The following PIBF1 variants were observed in gnomAD, a reference collection of about 807,000 sequenced individuals.
The protein encoded by PIBF1 is progesterone immunomodulatory binding factor 1, also known as progesterone-induced-blocking factor 1.
Under a neutral mutation model 112.5 loss-of-function variants are expected in PIBF1, and 90 were observed. The observed-to-expected ratio is 0.80, with a 90% CI of 0.67 to 0.95. The LOEUF (loss-of-function observed/expected upper bound fraction) is 0.95, where lower values mean the gene tolerates loss of function less well. Among genes scored for constraint, PIBF1 ranks in the 40% least tolerant of loss-of-function variants. The pLI is 0.00. For missense variants in PIBF1, 915 were observed against 852.3 expected (o/e 1.07, Z -0.92); for synonymous variants, 301 against 288.6 (o/e 1.04, Z -0.44).
chr13:72,891,213 A>G (rs1034570710), intron 10 of PIBF1, among the ~76,000 whole-genome samples: 40 of 152,284 alleles, frequency 2.6e-4, no homozygotes, highest in Admixed American at 2.0e-3. Flanking sequence ...TTAATTACCT[A>G]TTTGGAGTTG....
intron 14 of PIBF1, among the ~76,000 whole-genome samples, chr13:72,950,328 C>G (rs936918121): frequency 6.6e-6 from 1 of 152,120 alleles, no homozygotes; most frequent in African/African-American, 2.4e-5. Context: ...AAAAAAGGTA[C>G]CCCTCCAATT....
At chr13:72,997,241 C>T (rs1367821442) in intron 16 of PIBF1, among the ~76,000 whole-genome samples, 4 of 152,144 alleles carry the variant, frequency 2.6e-5, no homozygotes, top group Non-Finnish European at 5.9e-5. Context: ...TAGGCTTTCC[C>T]TTCTACTTAT....
rs556935438 is a variant in PIBF1 at position 72,868,698 on chromosome 13, C to T, written c.1322+14543C>T. 1.1e-3 allele frequency among the ~76,000 whole-genome samples: 163 copies of T among 152,114 alleles called. 1 individual carries two copies. Among genetic ancestry groups the T allele is most frequent in the Non-Finnish European group, 1.8e-3 (120 of 67,962 alleles). Reference sequence around the variant, plus strand: ...CTCTTCATTATAGAAACAACCTCTTCCATGGCTGGGTGCAGTGATTCATTC... The same window carrying T: ...CTCTTCATTATAGAAACAACCTCTTTCATGGCTGGGTGCAGTGATTCATTC... On this transcript the variant is annotated intron_variant, in intron 10 of 17. Coordinates refer to ENST00000326291, the MANE Select transcript of PIBF1 (RefSeq NM_006346.4).
chr13:72,930,107 G>C (rs2041654663), intron 13 of PIBF1, among the ~76,000 whole-genome samples: 1 of 152,078 alleles, frequency 6.6e-6, no homozygotes, highest in Non-Finnish European at 1.5e-5. Context: ...TGATCCTCCT[G>C]CCTCAGCCTC....
At chr13:72,878,112 T>G (rs2039484360) in intron 10 of PIBF1, among the ~76,000 whole-genome samples, 1 of 147,416 alleles carries the variant, frequency 6.8e-6, no homozygotes, top group Non-Finnish European at 1.5e-5. Flanking sequence ...GTTTTACTGG[T>G]TTTATTGATT....
chr13:72,996,231 G>A (rs573233159), intron 16 of PIBF1, among the ~76,000 whole-genome samples: 1 of 147,054 alleles, frequency 6.8e-6, no homozygotes, highest in South Asian at 2.1e-4. Flanking sequence ...AGAAAAATGG[G>A]CCAAGGCAAT....
chr13:72,854,908 A>G (rs1379773135), intron 10 of PIBF1, among the ~76,000 whole-genome samples: 1 of 152,142 alleles, frequency 6.6e-6, no homozygotes, highest in African/African-American at 2.4e-5. Flanking sequence ...TTACCAATAG[A>G]AAATGATATT....
chr13:72,791,003 C>G (rs919471395), intron 2 of PIBF1, among the ~76,000 whole-genome samples: 8 of 151,970 alleles, frequency 5.3e-5, no homozygotes, highest in African/African-American at 1.9e-4. Flanking sequence ...GATTTACTTG[C>G]ATATGTTATG....
intron 15 of PIBF1, among the ~76,000 whole-genome samples, chr13:72,967,755 A>G (rs2042780691): frequency 6.6e-6 from 1 of 152,198 alleles, no homozygotes; most frequent in African/African-American, 2.4e-5. Context: ...GAAATATTCT[A>G]TAATAAAATT....
Position 72,912,849 on chromosome 13 carries a change from A to G in PIBF1, c.1639+4168A>G, listed in dbSNP as rs539441626. 5.9e-5 allele frequency among the ~76,000 whole-genome samples: 9 copies of G among 151,926 alleles called. No individual in the cohort carries two copies. The South Asian group carries it at 1.9e-3, about 32-fold the overall frequency. ...ACATAAAGTGTACTTTATATAATAT[A>G]GTATGATTATACTGTATGATTATAG... On this transcript the variant is annotated intron_variant, in intron 12 of 17. Coordinates refer to ENST00000326291, the MANE Select transcript of PIBF1 (RefSeq NM_006346.4).
chr13:72,966,451 G>C (rs1194445792), intron 15 of PIBF1, among the ~76,000 whole-genome samples: 1 of 151,998 alleles, frequency 6.6e-6, no homozygotes, highest in African/African-American at 2.4e-5. Context: ...TAAAAATTCT[G>C]TATACAACCT....
At chr13:73,003,367 C>T (rs1235140829) in intron 17 of PIBF1, among the ~76,000 whole-genome samples, 3 of 152,060 alleles carry the variant, frequency 2.0e-5, no homozygotes, top group Admixed American at 2.0e-4. Context: ...GTTCTCTTGC[C>T]TCAGCCTCCT....
intron 5 of PIBF1, among the ~76,000 whole-genome samples, chr13:72,802,473 C>G (rs2035532900): frequency 6.6e-6 from 1 of 151,852 alleles, no homozygotes; most frequent in Admixed American, 6.6e-5. Context: ...GTGGTAGATT[C>G]TGGATTTATT....
intron 10 of PIBF1, among the ~76,000 whole-genome samples, chr13:72,883,253 T>C (rs1057512703): frequency 4.6e-5 from 7 of 152,192 alleles, no homozygotes. Context: ...AAACTTTGCA[T>C]GTTCTCACTT....
At chr13:72,837,891 A>C (rs2037432033) in intron 9 of PIBF1, among the ~76,000 whole-genome samples, 1 of 152,164 alleles carries the variant, frequency 6.6e-6, no homozygotes, top group Non-Finnish European at 1.5e-5. Context: ...TAACAGTTTT[A>C]TGAATGTACA....
chr13:72,856,270 C>T (rs975974302), intron 10 of PIBF1, among the ~76,000 whole-genome samples: 7 of 152,164 alleles, frequency 4.6e-5, no homozygotes, highest in Non-Finnish European at 1.0e-4. Context: ...TGAAACTTTA[C>T]TAACTGAATT....
At chr13:72,816,382 C>A (rs148686870) in intron 5 of PIBF1, among the ~76,000 whole-genome samples, 2 of 152,166 alleles carry the variant, frequency 1.3e-5, no homozygotes, top group Non-Finnish European at 2.9e-5. Context: ...GTGGCTCACG[C>A]CTGTAATCCC....
chr13:72,851,504 G>A (rs1389356615), intron 9 of PIBF1, among the ~76,000 whole-genome samples: 2 of 152,238 alleles, frequency 1.3e-5, no homozygotes, highest in Non-Finnish European at 2.9e-5. Context: ...GGCCAAAGTG[G>A]GGGATGAGGG....
intron 14 of PIBF1, among the ~76,000 whole-genome samples, chr13:72,947,088 C>T (rs929212781): frequency 6.6e-6 from 1 of 152,238 alleles, no homozygotes; most frequent in African/African-American, 2.4e-5. Context: ...GCCCCTGCAG[C>T]AAACTTCTGC....
Sources: allele counts gnomAD v4.1 joint callset (sites outside exome capture counted in the v4.1 genomes callset), GRCh38; gene constraint gnomAD v4.1.1; transcripts MANE v1.5; gene names NCBI Gene and HGNC (gene_info 2026-07-23, HGNC 2026-07-21).